The following MTMR8 variants were observed in gnomAD, a reference collection of about 807,000 sequenced individuals.
The protein encoded by MTMR8 is myotubularin related protein 8, also known as phosphatidylinositol-3,5-bisphosphate 3-phosphatase MTMR8.
Under a neutral mutation model 39.3 loss-of-function variants are expected in MTMR8, and 65 were observed. The observed-to-expected ratio is 1.65, with a 90% CI of 1.35 to 2.03. The LOEUF is 2.03. Ranked by LOEUF, MTMR8 falls within the 30% of genes most tolerant of loss-of-function variation. The pLI, the probability that MTMR8 is intolerant of heterozygous loss-of-function variation, is 0.00. For synonymous variants in MTMR8, 245 were observed against 185.2 expected, an observed-to-expected ratio of 1.32 and a Z score of -2.62; for missense variants, 777 against 538.9, an observed-to-expected ratio of 1.44 and a Z score of -4.37.
chrX:64,362,000 C>A (rs965209467), intron 1 of MTMR8, among the ~76,000 whole-genome samples: 8 of 110,324 alleles, frequency 7.3e-5, no homozygotes, highest in African/African-American at 2.6e-4. Flanking sequence ...TAATATCAAC[C>A]ACAAAAGTCA....
At chrX:64,379,142 A>G (rs1924345788) in intron 1 of MTMR8, among the ~76,000 whole-genome samples, 1 of 111,903 alleles carries the variant, frequency 8.9e-6, no homozygotes, top group Non-Finnish European at 1.9e-5. Context: ...AAAATTAGCA[A>G]TCTTCTAAAA....
intron 12 of MTMR8, among the ~76,000 whole-genome samples, chrX:64,301,396 C>A (rs1208742529): frequency 9.5e-6 from 1 of 105,181 alleles, no homozygotes; most frequent in African/African-American, 3.5e-5. Context: ...GCATTCTTCA[C>A]GTAGTTCTCG....
intron 6 of MTMR8, among the ~76,000 whole-genome samples, chrX:64,346,025 A>G (rs1172727268): frequency 1.8e-5 from 2 of 112,205 alleles, no homozygotes; most frequent in African/African-American, 6.5e-5. Flanking sequence ...CTGTTTTAAC[A>G]CTATGTTCAG....
intron 12 of MTMR8, among the ~76,000 whole-genome samples, chrX:64,275,357 G>A (rs970101050): frequency 5.4e-5 from 6 of 110,515 alleles, no homozygotes; most frequent in African/African-American, 9.9e-5. Context: ...GAATAATAAA[G>A]GTTAGAGAAG....
intron 1 of MTMR8, among the ~76,000 whole-genome samples, chrX:64,373,193 G>T (rs915225013): frequency 2.7e-5 from 3 of 111,971 alleles, no homozygotes; most frequent in Non-Finnish European, 3.8e-5. Flanking sequence ...TGAGGTAAAG[G>T]CAGGCAGTGA....
At chrX:64,287,484 CA>C (rs1156717525) in intron 12 of MTMR8, among the ~76,000 whole-genome samples, 4 of 110,422 alleles carry the variant, frequency 3.6e-5, no homozygotes, top group Non-Finnish European at 5.7e-5. Context: ...CATATGGAAC[CA>C]AAAAAAGAGC....
At chrX:64,368,125 G>T (rs1266733967) in intron 1 of MTMR8, among the ~76,000 whole-genome samples, 1 of 111,545 alleles carries the variant, frequency 9.0e-6, no homozygotes, top group South Asian at 3.7e-4. Context: ...ACAAATGGAA[G>T]AACATTCCAT....
Position 64,280,023 on chromosome X carries a change from A to C in MTMR8, c.1482-8950T>G, listed in dbSNP as rs180935801. Among the ~76,000 whole-genome samples the C allele has an allele frequency of 1.7e-3, 193 of 112,209 alleles. 1 individual carries two copies. The highest frequency in any genetic ancestry group is 5.8e-3 in the African/African-American group (181 of 30,989). ...GAAGAAGTCGAGTTATTGAATAGACAAATAACAAGTTCTGAAATTGCAGCT... is the reference window on the plus strand; with the variant it reads ...GAAGAAGTCGAGTTATTGAATAGACCAATAACAAGTTCTGAAATTGCAGCT... On this transcript the variant is annotated intron_variant, in intron 12 of 13. Coordinates refer to ENST00000374852, the MANE Select transcript of MTMR8 (RefSeq NM_017677.4).
At chrX:64,326,128 A>ATGTATGTT (rs1298224338) in intron 12 of MTMR8, among the ~76,000 whole-genome samples, 4 of 111,849 alleles carry the variant, frequency 3.6e-5, no homozygotes, top group African/African-American at 1.3e-4. Flanking sequence ...AATTAAGGGG[A>ATGTATGTT]CATGGATCAT....
chrX:64,392,868 C>CT (rs1924726228), intron 1 of MTMR8, among the ~76,000 whole-genome samples: 1 of 111,212 alleles, frequency 9.0e-6, no homozygotes, highest in Non-Finnish European at 1.9e-5. Flanking sequence ...ATGTCTCTCT[C>CT]TTTTATGGAA....
Position 64,361,469 on chromosome X carries a change from A to G in MTMR8, c.25-1942T>C, listed in dbSNP as rs776620260. On this transcript the variant is annotated intron_variant, in intron 1 of 13. Coordinates refer to ENST00000374852, the MANE Select transcript of MTMR8 (RefSeq NM_017677.4). ...AATAATGTTAATGAATCAACAGTAT[A>G]TTTTAAAAAATACATTTTGATCAAG... 3.6e-5 allele frequency among the ~76,000 whole-genome samples: 4 copies of G among 111,919 alleles called. No individual in the cohort carries two copies. In the South Asian group the frequency reaches 1.1e-3, roughly 31 times the overall value.
intron 12 of MTMR8, among the ~76,000 whole-genome samples, chrX:64,295,930 C>T (rs1921563528): frequency 8.9e-6 from 1 of 111,922 alleles, no homozygotes. Context: ...TATAAAATTA[C>T]CATATGATCC....
intron 12 of MTMR8, among the ~76,000 whole-genome samples, chrX:64,296,291 G>C (rs1006362001): frequency 2.7e-5 from 3 of 111,312 alleles, no homozygotes; most frequent in African/African-American, 9.8e-5. Flanking sequence ...AAGTAGAATA[G>C]AGGGCTGCCA....
At chrX:64,334,869 A>G (rs1297894856) in intron 10 of MTMR8, among the ~76,000 whole-genome samples, 1 of 111,936 alleles carries the variant, frequency 8.9e-6, no homozygotes, top group Non-Finnish European at 1.9e-5. Flanking sequence ...TCCTTTGTTT[A>G]TGTTTTCCTC....
At chrX:64,373,340 C>T (rs373565136) in intron 1 of MTMR8, among the ~76,000 whole-genome samples, 51 of 111,350 alleles carry the variant, frequency 4.6e-4, no homozygotes, top group East Asian at 3.7e-3. Flanking sequence ...GGCAGATTTC[C>T]CCCTGGCTGT....
At position 64,326,725 on chromosome X, in the gene MTMR8, C is replaced by T. The variant is rs183663560; in HGVS notation, c.1481+2047G>A. Among the ~76,000 whole-genome samples the T allele has an allele frequency of 1.5e-4, 17 of 110,006 alleles. No homozygotes were observed. In the East Asian group the frequency reaches 2.0e-3, roughly 13 times the overall value. ...ATTTGTAAGGAACCACAAAAGATCC[C>T]GAATAGCTGAGGCAAACTTGTGGGG... is the stretch of plus-strand genomic sequence containing the variant. On this transcript the variant is annotated intron_variant, in intron 12 of 13. Transcript: ENST00000374852.
chrX:64,358,942 C>T (rs368551770), intron 2 of MTMR8, among the ~76,000 whole-genome samples: 2 of 109,517 alleles, frequency 1.8e-5, no homozygotes, highest in African/African-American at 3.4e-5. Context: ...TAGTGTTGCC[C>T]AAGGTAAAGT....
rs994086944 is a variant in MTMR8, at chrX:64,328,633, A to C, written c.1481+139T>G. 9 of 519,279 alleles carry C rather than the reference A, an allele frequency of 1.7e-5. No individual in the cohort carries two copies. In the African/African-American group the frequency reaches 2.2e-4, roughly 13 times the overall value. The allele number at this position is 519,279 out of a possible 1,213,427, so 42.8% of individuals were successfully genotyped here. A position where few individuals can be genotyped will look rare whatever the true frequency, so the allele number is the denominator to read the frequency against. ...TGGGCTCTTGTTTTCAGAAGCAGCA[A>C]TGTATGGGTGATATGAGGACAGAGT... On this transcript the variant is annotated intron_variant, in intron 12 of 13. Coordinates refer to ENST00000374852, the MANE Select transcript of MTMR8 (RefSeq NM_017677.4).
chrX:64,366,136 G>A (rs775713316), intron 1 of MTMR8, among the ~76,000 whole-genome samples: 17 of 111,439 alleles, frequency 1.5e-4, no homozygotes, highest in Non-Finnish European at 2.8e-4. Context: ...AAGACACTTA[G>A]ACTCGCACAC....
Sources: allele counts gnomAD v4.1 joint callset (sites outside exome capture counted in the v4.1 genomes callset), GRCh38; gene constraint gnomAD v4.1.1; transcripts MANE v1.5; gene names NCBI Gene and HGNC (gene_info 2026-07-23, HGNC 2026-07-21).